The following TMCO4 variants were observed in gnomAD, a reference collection of about 807,000 sequenced individuals.
The protein encoded by TMCO4 is transmembrane and coiled-coil domains 4.
TMCO4 carries 58 observed loss-of-function variants against 64.7 expected under a neutral mutation model. The ratio of observed to expected loss-of-function variants is 0.90; its 90% CI spans 0.73 to 1.12. The LOEUF (loss-of-function observed/expected upper bound fraction) is 1.12. Ranked by LOEUF, TMCO4 falls within the 50% of genes most tolerant of loss-of-function variation. The pLI is 0.00. For synonymous variants in TMCO4, 325 were observed against 346.1 expected (o/e 0.94, Z 0.68); for missense variants, 780 against 825.9 (o/e 0.94, Z 0.68).
At chr1:19,764,955 A>T (rs1439536775) in intron 6 of TMCO4, among the ~76,000 whole-genome samples, 1 of 151,938 alleles carries the variant, frequency 6.6e-6, no homozygotes, top group Non-Finnish European at 1.5e-5. Context: ...TTTCTGATTC[A>T]TCAGGGAGGC....
intron 13 of TMCO4, among the ~76,000 whole-genome samples, chr1:19,716,740 G>A (rs920670772): frequency 1.3e-5 from 2 of 152,098 alleles, no homozygotes; most frequent in Non-Finnish European, 1.5e-5. Flanking sequence ...CAGGCTGGCC[G>A]TGCAGATGGA....
intron 13 of TMCO4, among the ~76,000 whole-genome samples, chr1:19,709,659 G>A (rs2095320829): frequency 6.6e-6 from 1 of 151,710 alleles, no homozygotes; most frequent in Non-Finnish European, 1.5e-5. Flanking sequence ...CAATAATGTT[G>A]GCCTAACTTC....
intron 2 of TMCO4, among the ~76,000 whole-genome samples, chr1:19,795,008 G>T (rs903157617): frequency 6.6e-6 from 1 of 152,150 alleles, no homozygotes; most frequent in South Asian, 2.1e-4. Flanking sequence ...AACAGGGGAG[G>T]GAAGTGGTTG....
At chr1:19,699,962 G>A (rs2095260868) in intron 14 of TMCO4, among the ~76,000 whole-genome samples, 2 of 152,190 alleles carry the variant, frequency 1.3e-5, no homozygotes, top group African/African-American at 4.8e-5. Flanking sequence ...GAGAAACGAA[G>A]GTGGGCCTCA....
chr1:19,682,387 G>T lies in TMCO4; in HGVS notation c.*653C>A, dbSNP rs9064. ...CATGTATTCACCATGCTCTGTTAGT[G>T]GTGTCCAGATGTTGCATGACGGGGG... On this transcript the variant is annotated 3_prime_UTR_variant, in exon 16 of 16. Transcript: ENST00000294543. 376,988 of 523,754 alleles carry T rather than the reference G, an allele frequency of 0.72. 139,170 individuals carry two copies. Among genetic ancestry groups the T allele is most frequent in the Non-Finnish European group, 0.78 (227,838 of 290,938 alleles). 32.4% of individuals were successfully genotyped at this position (523,754 alleles called of 1,614,324 possible).
At chr1:19,757,892 T>C (rs2042337077) in intron 6 of TMCO4, among the ~76,000 whole-genome samples, 1 of 152,236 alleles carries the variant, frequency 6.6e-6, no homozygotes, top group African/African-American at 2.4e-5. Context: ...TGCTTCCAAA[T>C]TGAATGTTTT....
chr1:19,789,420 T>C (rs2043915040), intron 2 of TMCO4, among the ~76,000 whole-genome samples: 1 of 151,668 alleles, frequency 6.6e-6, no homozygotes, highest in Non-Finnish European at 1.5e-5. Flanking sequence ...AATAAATAAA[T>C]AAATAAATAA....
intron 15 of TMCO4, among the ~76,000 whole-genome samples, chr1:19,692,981 G>C (rs2095208661): frequency 6.6e-6 from 1 of 151,008 alleles, no homozygotes; most frequent in Admixed American, 6.6e-5. Context: ...AAACCAGCCT[G>C]GGCAACATGG....
chr1:19,688,757 T>G (rs1332831383), intron 15 of TMCO4, among the ~76,000 whole-genome samples: 1 of 152,214 alleles, frequency 6.6e-6, no homozygotes, highest in Non-Finnish European at 1.5e-5. Context: ...AGGACCTCTA[T>G]GAGGATCAAA....
In TMCO4 at chr1:19,780,626, G is replaced by C. The variant is rs139365684; in HGVS notation, c.133C>G (p.Leu45Val). The C allele has an allele frequency of 6.0e-5, 97 of 1,613,644 alleles. No individual in the cohort carries two copies. Among genetic ancestry groups the C allele is most frequent in the Non-Finnish European group, 7.5e-5 (88 of 1,179,876 alleles). ...TEANRFAYAA[L>V]CGISLSQLFP... ...AACTGGGACAGGGAGATGCCACAGA[G>C]GGCAGCATAGGCGAAGCGGTTGGCC... is the stretch of plus-strand genomic sequence containing the variant. Residue 45 changes from leucine (L) to valine (V), a missense_variant, in exon 4 of 16, where the codon CTC becomes GTC. Physicochemically the swap from Leu to Val is conservative, Grantham distance 32. Coordinates refer to ENST00000294543, the MANE Select transcript of TMCO4 (RefSeq NM_181719.7).
chr1:19,720,412 G>T (rs1180208253), intron 13 of TMCO4, among the ~76,000 whole-genome samples: 2 of 152,240 alleles, frequency 1.3e-5, no homozygotes, highest in African/African-American at 4.8e-5. Flanking sequence ...TGCTCAGCTG[G>T]TAAGTGGCAG....
intron 6 of TMCO4, among the ~76,000 whole-genome samples, chr1:19,762,917 C>T (rs61768300): frequency 0.1 from 15,463 of 152,148 alleles, 915 homozygotes; most frequent in Non-Finnish European, 0.13. Context: ...CAGACCAAAG[C>T]GAAGGAACCC....
chr1:19,700,824 C>T lies in TMCO4; in HGVS notation c.1326G>A (p.Lys442=). ...CCACCTTCCGGAAAGGCTCCCAATG[C>T]TTGGCTTCTCCCTCCACAGGCGCAC... The part of the protein sequence containing the change: ...LLGAPVEGEA[K]HWEPFRKVVS... The change falls in exon 14 of 16, where the codon AAG becomes AAA. Residue 442 remains lysine, a synonymous_variant. Transcript: ENST00000294543. 1 of 1,614,252 alleles carries T rather than the reference C, an allele frequency of 6.2e-7. No individual in the cohort carries two copies. The highest frequency in any genetic ancestry group is 1.3e-5 in the African/African-American group (1 of 75,076).
intron 2 of TMCO4, among the ~76,000 whole-genome samples, chr1:19,792,856 C>A (rs2044119387): frequency 6.7e-6 from 1 of 149,246 alleles, no homozygotes; most frequent in East Asian, 2.0e-4. Flanking sequence ...CTGCAACCTC[C>A]ACTTCCTGGG....
intron 7 of TMCO4, chr1:19,750,292 C>A (rs962571175): frequency 6.6e-6 from 1 of 152,110 alleles, no homozygotes; most frequent in Admixed American, 6.5e-5. Context: ...TGACGATATA[C>A]GACGGGAACG....
At chr1:19,708,433 G>T (rs997245171) in intron 13 of TMCO4, among the ~76,000 whole-genome samples, 1 of 151,402 alleles carries the variant, frequency 6.6e-6, no homozygotes, top group Non-Finnish European at 1.5e-5. Flanking sequence ...GCTGAGAATG[G>T]ACAGCGTCAT....
intron 4 of TMCO4, 48 bp from the exon 5 acceptor site, chr1:19,771,530 C>T (rs1263291189): frequency 1.9e-6 from 3 of 1,585,866 alleles, no homozygotes; most frequent in South Asian, 2.3e-5. Flanking sequence ...AGAGCTCAGC[C>T]TCCACTGGGC....
intron 13 of TMCO4, among the ~76,000 whole-genome samples, chr1:19,731,234 A>G (rs1048681565): frequency 1.3e-5 from 2 of 152,180 alleles, no homozygotes; most frequent in African/African-American, 2.4e-5. Flanking sequence ...TGGGAGGCCA[A>G]TTATTCCTCA....
Position 19,780,766 on chromosome 1 carries a change from G to T in TMCO4, c.-8C>A, listed in dbSNP as rs200726981. 1.5e-5 allele frequency: 23 copies of T among 1,555,776 alleles called. No individual in the cohort carries two copies. In the South Asian group the frequency reaches 2.5e-4, roughly 17 times the overall value. On this transcript the variant is annotated splice_region_variant and 5_prime_UTR_variant, in exon 4 of 16. Coordinates refer to ENST00000294543, the MANE Select transcript of TMCO4 (RefSeq NM_181719.7). ...CCTGTTCCACATGGCCATTCCCAGC[G>T]CTGCAGGAGAAAATTCCCAGTGAGA...
Sources: allele counts gnomAD v4.1 joint callset (sites outside exome capture counted in the v4.1 genomes callset), GRCh38; gene constraint gnomAD v4.1.1; transcripts MANE v1.5; gene names NCBI Gene and HGNC (gene_info 2026-07-23, HGNC 2026-07-21).